Variants in PCSK6 observed in about 807,000 individuals in gnomAD.
PCSK6 encodes paired basic amino acid cleaving enzyme 4.
In PCSK6, 85 loss-of-function variants were observed where a neutral mutation model predicts 123.3. The observed-to-expected ratio is 0.69, with a 90% confidence interval of 0.58 to 0.83. The LOEUF (loss-of-function observed/expected upper bound fraction) is 0.83, where lower values mean the gene tolerates loss of function less well. Ranked by LOEUF, PCSK6 falls within the 40% of genes least tolerant of loss-of-function variation. The pLI, the probability that PCSK6 is intolerant of heterozygous loss-of-function variation, is 0.00. For synonymous variants in PCSK6, 508 were observed against 516.0 expected, an observed-to-expected ratio of 0.98 and a Z score of 0.21; for missense variants, 1,191 against 1,282.3, an observed-to-expected ratio of 0.93 and a Z score of 1.09.
intron 11 of PCSK6, among the ~76,000 whole-genome samples, chr15:101,380,494 G>A (rs998763599): frequency 7.2e-5 from 11 of 152,164 alleles, no homozygotes; most frequent in South Asian, 2.1e-4. Flanking sequence ...ACTCTCCCAC[G>A]TTGTTTCAAA....
Position 101,426,293 on chromosome 15 carries a change from C to A in PCSK6, c.823+1599G>T, listed in dbSNP as rs898674752. Among the ~76,000 whole-genome samples, 4 of 152,150 alleles carry A rather than the reference C, an allele frequency of 2.6e-5. No individual in the cohort carries two copies. In the South Asian group the frequency reaches 6.2e-4, roughly 24 times the overall value. On this transcript the variant is annotated intron_variant, in intron 6 of 21. Coordinates refer to ENST00000611716, the MANE Select transcript of PCSK6 (RefSeq NM_002570.5). Reference sequence around the variant, plus strand: ...GGCAGCTGCCTGGTGGTCATTTCACCCCACAGGTAAAGAAACCTTGGCTCA... The same window carrying A: ...GGCAGCTGCCTGGTGGTCATTTCACACCACAGGTAAAGAAACCTTGGCTCA...
At chr15:101,384,918 T>A (rs1040397235) in intron 9 of PCSK6, among the ~76,000 whole-genome samples, 1 of 152,218 alleles carries the variant, frequency 6.6e-6, no homozygotes, top group Non-Finnish European at 1.5e-5. Context: ...AATATTCTTT[T>A]TGGGGAAGTA....
chr15:101,445,537 A>G (rs986576820), intron 1 of PCSK6, among the ~76,000 whole-genome samples: 5 of 152,104 alleles, frequency 3.3e-5, no homozygotes, highest in African/African-American at 1.2e-4. Flanking sequence ...TTTTCTTCCT[A>G]CAGATAAGTC....
rs2057808009 is a variant in PCSK6, at chr15:101,479,230, T to C, written c.297+10144A>G. ...ATGCCAAAGAAGGGCAGGGCCCGGG[T>C]AGACCACACAAGGAAGGGGCCCCCA... On this transcript the variant is annotated intron_variant, in intron 1 of 21. Transcript: ENST00000611716. Among the ~76,000 whole-genome samples the C allele has an allele frequency of 2.6e-5, 4 of 152,018 alleles. 1 individual carries two copies. In the South Asian group the frequency reaches 8.3e-4, roughly 32 times the overall value.
chr15:101,351,116 G>A (rs2040878721), intron 13 of PCSK6, among the ~76,000 whole-genome samples: 1 of 152,138 alleles, frequency 6.6e-6, no homozygotes, highest in African/African-American at 2.4e-5. Flanking sequence ...GTGGCTACTG[G>A]ACCCCTCTTT....
intron 6 of PCSK6, among the ~76,000 whole-genome samples, chr15:101,421,336 T>C (rs902924393): frequency 6.6e-6 from 1 of 152,238 alleles, no homozygotes; most frequent in South Asian, 2.1e-4. Flanking sequence ...TGTGCAGTTT[T>C]ACAAAGAAAA....
chr15:101,333,451 G>GA (rs1301307623), intron 13 of PCSK6, among the ~76,000 whole-genome samples: 1 of 152,220 alleles, frequency 6.6e-6, no homozygotes, highest in East Asian at 1.9e-4. Flanking sequence ...TCTGTTGGCT[G>GA]AAAAATCCCT....
intron 10 of PCSK6, among the ~76,000 whole-genome samples, chr15:101,382,807 G>A (rs1387659856): frequency 1.3e-5 from 2 of 152,146 alleles, no homozygotes; most frequent in African/African-American, 2.4e-5. Flanking sequence ...GTCAAGAACT[G>A]CATACAATCT....
At chr15:101,447,106 C>G (rs1044148925) in intron 1 of PCSK6, among the ~76,000 whole-genome samples, 1 of 152,184 alleles carries the variant, frequency 6.6e-6, no homozygotes, top group South Asian at 2.1e-4. Context: ...TGCTGTCTCT[C>G]GTCCTCCCCA....
At chr15:101,373,336 G>A (rs1361744926) in intron 11 of PCSK6, among the ~76,000 whole-genome samples, 4 of 152,196 alleles carry the variant, frequency 2.6e-5, no homozygotes, top group Admixed American at 2.6e-4. Context: ...CAGCCTCCTG[G>A]AACAAGGCTA....
At chr15:101,394,176 C>T (rs1238090966) in intron 7 of PCSK6, among the ~76,000 whole-genome samples, 9 of 142,486 alleles carry the variant, frequency 6.3e-5, no homozygotes, top group Admixed American at 2.9e-4. Flanking sequence ...GGTCTTGCTA[C>T]GTTACCCAGG....
chr15:101,389,217 G>A (rs533759483), intron 9 of PCSK6, among the ~76,000 whole-genome samples: 7 of 152,300 alleles, frequency 4.6e-5, no homozygotes, highest in African/African-American at 9.6e-5. Context: ...TGCCCAGTCC[G>A]TGGGACTCTG....
At chr15:101,403,660 G>T (rs190147356) in intron 6 of PCSK6, among the ~76,000 whole-genome samples, 1 of 152,274 alleles carries the variant, frequency 6.6e-6, no homozygotes, top group East Asian at 1.9e-4. Flanking sequence ...GTCACCCCCA[G>T]CTTCTCAGAG....
At chr15:101,359,672 G>C (rs1296169453) in intron 13 of PCSK6, among the ~76,000 whole-genome samples, 4 of 152,244 alleles carry the variant, frequency 2.6e-5, no homozygotes, top group Non-Finnish European at 4.4e-5. Flanking sequence ...GCAGCATCTG[G>C]CTGGGCAGGA....
At chr15:101,485,127 T>C (rs2057989297) in intron 1 of PCSK6, among the ~76,000 whole-genome samples, 2 of 152,220 alleles carry the variant, frequency 1.3e-5, no homozygotes, top group Non-Finnish European at 2.9e-5. Context: ...GGAAATCCAA[T>C]AGGTGTGAAA....
intron 6 of PCSK6, among the ~76,000 whole-genome samples, chr15:101,400,345 C>T (rs1250134325): frequency 6.6e-6 from 1 of 152,222 alleles, no homozygotes; most frequent in African/African-American, 2.4e-5. Flanking sequence ...CATGCACACA[C>T]CCCTGGCCCA....
chr15:101,347,772 G>T (rs1212696367), intron 13 of PCSK6: 1 of 1,613,478 alleles, frequency 6.2e-7, no homozygotes, highest in Admixed American at 1.7e-5. Flanking sequence ...TTTTAGTCCA[G>T]GTTCCCTGGA....
chr15:101,304,875 C>T lies in PCSK6; in HGVS notation c.*383G>A, dbSNP rs939686024. 2.7e-5 allele frequency: 5 copies of T among 183,590 alleles called. No individual in the cohort carries two copies. Among genetic ancestry groups the T allele is most frequent in the South Asian group, 1.3e-4 (1 of 7,786 alleles). 11.4% of individuals were successfully genotyped at this position (183,590 alleles called of 1,614,324 possible). ...GGGCCGGGGAGATTTACTACACAGC[C>T]GCAGAAAAGCACGGGGAGAAGAGTG... On this transcript the variant is annotated 3_prime_UTR_variant, in exon 22 of 22. Transcript: ENST00000611716.
intron 19 of PCSK6, chr15:101,316,252 A>T (rs1180151666): frequency 6.6e-6 from 1 of 152,230 alleles, no homozygotes; most frequent in Non-Finnish European, 1.5e-5. Flanking sequence ...CCAGGAGCTT[A>T]GAAAGAACCC....
Sources: allele counts gnomAD v4.1 joint callset (sites outside exome capture counted in the v4.1 genomes callset), GRCh38; gene constraint gnomAD v4.1.1; transcripts MANE v1.5; gene names NCBI Gene and HGNC (gene_info 2026-07-23, HGNC 2026-07-21).